Variants in DDX55 observed in about 807,000 individuals in gnomAD.
DDX55 encodes the protein DEAD-box helicase 55.
Under a neutral mutation model 69.2 loss-of-function variants are expected in DDX55, and 56 were observed. That is an observed-to-expected ratio of 0.81 (90% confidence interval 0.65 to 1.01). The LOEUF (loss-of-function observed/expected upper bound fraction) is 1.01, where lower values mean the gene tolerates loss of function less well. Ranked by LOEUF, DDX55 falls within the 50% of genes least tolerant of loss-of-function variation. The pLI, the probability that DDX55 is intolerant of heterozygous loss-of-function variation, is 0.00. For missense variants in DDX55, 720 were observed against 745.1 expected (o/e 0.97, Z 0.39); for synonymous variants, 268 against 273.1 (o/e 0.98, Z 0.18).
chr12:123,603,082 G>C (rs1354340492), intron 1 of DDX55, among the ~76,000 whole-genome samples: 1 of 152,236 alleles, frequency 6.6e-6, no homozygotes, highest in Non-Finnish European at 1.5e-5. Context: ...AGTAGTGTAA[G>C]AGATGGATTG....
At chr12:123,613,115 T>C in intron 7 of DDX55, 55 bp from the exon 8 acceptor site, 2 of 1,565,598 alleles carry the variant, frequency 1.3e-6, no homozygotes, top group Non-Finnish European at 1.8e-6. Flanking sequence ...AAAATAGCCA[T>C]GGGGATTATT....
rs1555284662 is a variant in DDX55, at chr12:123,620,619, T to TATAA, written c.*482_*483insAATA. The TATAA allele has an allele frequency of 1.5e-3, 179 of 120,544 alleles. No individual in the cohort carries two copies. Among genetic ancestry groups the TATAA allele is most frequent in the African/African-American group, 5.9e-3 (162 of 27,298 alleles). The allele number at this position is 120,544 out of a possible 1,614,324, so 7.5% of individuals were successfully genotyped here. On this transcript the variant is annotated 3_prime_UTR_variant, in exon 14 of 14. Coordinates refer to ENST00000238146, the MANE Select transcript of DDX55 (RefSeq NM_020936.3). ...ATATATATATATATATATATATATATATATATATAAGCTCTTTTTTCTGAG... is the reference window on the plus strand; with the variant it reads ...ATATATATATATATATATATATATATATAAATATATATAAGCTCTTTTTTCTGAG...
chr12:123,614,065 C>G (rs10846531), intron 8 of DDX55, among the ~76,000 whole-genome samples: 26,272 of 151,870 alleles, frequency 0.17, 2,525 homozygotes, highest in African/African-American at 0.25. Context: ...CAATATTGAC[C>G]ATGACCCACA....
rs922339543 is a variant in DDX55 at position 123,602,162 on chromosome 12, C to G, written c.14C>G (p.Thr5Arg). MEHVTEGSWESLPVP... is the reference protein window; with the variant it reads MEHVREGSWESLPVP... ...AAGGAGCGCGCCATGGAGCATGTGA[C>G]AGAGGGCTCCTGGGAGTCGCTGCCT... Residue 5 changes from threonine to arginine, a missense_variant, in exon 1 of 14, where the codon ACA (threonine) becomes AGA (arginine). Coordinates refer to ENST00000238146, the MANE Select transcript of DDX55 (RefSeq NM_020936.3). 6.4e-7 allele frequency: 1 copy of G among 1,558,442 alleles called. No homozygotes were observed. The highest frequency in any genetic ancestry group is 1.9e-5 in the Admixed American group (1 of 52,406).
At chr12:123,618,917 A>G (rs1954916377) in intron 12 of DDX55, 80 bp downstream of exon 12, 13 of 1,554,480 alleles carry the variant, frequency 8.4e-6, no homozygotes, top group Non-Finnish European at 1.1e-5. Context: ...GCTTTGTCTC[A>G]TAAAAGGAAG....
chr12:123,602,424 C>G (rs1474289246), intron 1 of DDX55, among the ~76,000 whole-genome samples, 168 bp downstream of exon 1: 1 of 152,184 alleles, frequency 6.6e-6, no homozygotes, highest in Non-Finnish European at 1.5e-5. Context: ...GCGGAGCTGC[C>G]CGGCCAGCGA....
At chr12:123,618,001 G>A (rs1188163768) in intron 11 of DDX55, 129 bp downstream of exon 11, 2 of 847,424 alleles carry the variant, frequency 2.4e-6, no homozygotes, top group Non-Finnish European at 3.8e-6. Flanking sequence ...GTGGCAGTGG[G>A]GGGCCCTGGT....
rs748903983 is a variant in DDX55, at chr12:123,615,197, T to C, written c.837T>C (p.Cys279=). The C allele has an allele frequency of 6.2e-7, 1 of 1,614,074 alleles. No homozygotes were observed. Among genetic ancestry groups the C allele is most frequent in the Non-Finnish European group, 8.5e-7 (1 of 1,179,958 alleles). The change falls in exon 9 of 14, where the codon TGT becomes TGC. Residue 279 remains cysteine (C), a synonymous_variant. Transcript: ENST00000238146. ...GTCCCTCTTGCAGCACCTGTGCCTGTGTGGAATACTATGGGAAGGCTCTGG... is the reference window on the plus strand; with the variant it reads ...GTCCCTCTTGCAGCACCTGTGCCTGCGTGGAATACTATGGGAAGGCTCTGG... ...KHLVFFSTCA[C]VEYYGKALEV...
At chr12:123,609,471 C>T (rs1477976406) in intron 6 of DDX55, among the ~76,000 whole-genome samples, 2 of 149,084 alleles carry the variant, frequency 1.3e-5, no homozygotes, top group Non-Finnish European at 3.0e-5. Context: ...ACTTCCTGGG[C>T]TTAAGTGATC....
chr12:123,602,579 G>A (rs1212033524), intron 1 of DDX55, among the ~76,000 whole-genome samples: 1 of 152,174 alleles, frequency 6.6e-6, no homozygotes, highest in African/African-American at 2.4e-5. Context: ...TCTGTGAAAT[G>A]ACGAAAAAAT....
intron 6 of DDX55, among the ~76,000 whole-genome samples, chr12:123,609,603 G>T (rs1024795561): frequency 1.3e-5 from 2 of 151,822 alleles, no homozygotes; most frequent in African/African-American, 2.4e-5. Flanking sequence ...AAACTCCTGG[G>T]CTCAAGAGAT....
At position 123,618,627 on chromosome 12, in the gene DDX55, C is replaced by G. The variant is rs199815010; in HGVS notation, c.1165-42C>G. ...GATGGGGAGCCCTGGGGATATGATG[C>G]CAGCCAGGGAAGGTGAGAATGTGGT... is the stretch of plus-strand genomic sequence containing the variant. On this transcript the variant is annotated intron_variant, in intron 11 of 13. Coordinates refer to ENST00000238146, the MANE Select transcript of DDX55 (RefSeq NM_020936.3). 172 of 1,591,132 alleles carry G rather than the reference C, an allele frequency of 1.1e-4. 1 individual carries two copies. The African/African-American group carries it at 2.1e-3, about 20-fold the overall frequency.
chr12:123,611,387 G>A (rs1209910911), intron 7 of DDX55, among the ~76,000 whole-genome samples: 1 of 152,226 alleles, frequency 6.6e-6, no homozygotes, highest in Non-Finnish European at 1.5e-5. Flanking sequence ...TGCAGGGGAG[G>A]CAGCACCATC....
At chr12:123,617,230 A>G (rs1381749079) in intron 10 of DDX55, among the ~76,000 whole-genome samples, 1 of 152,270 alleles carries the variant, frequency 6.6e-6, no homozygotes, top group Non-Finnish European at 1.5e-5. Flanking sequence ...CTGTATTGGT[A>G]GCAATTAAAA....
At chr12:123,608,409 A>G in intron 5 of DDX55, 1 of 332,984 alleles carries the variant, frequency 3.0e-6, no homozygotes, top group African/African-American at 2.0e-5. Flanking sequence ...TTCTGCCAAT[A>G]AAATACTTGG....
At chr12:123,615,396 C>T in intron 9 of DDX55, 80 bp downstream of exon 9, 1 of 1,552,288 alleles carries the variant, frequency 6.4e-7, no homozygotes, top group Non-Finnish European at 8.7e-7. Flanking sequence ...TCTCTAGTAG[C>T]CTGTGCTGTC....
At chr12:123,618,317 G>A (rs541000245) in intron 11 of DDX55, 17 of 559,674 alleles carry the variant, frequency 3.0e-5, no homozygotes, top group African/African-American at 2.8e-4. Flanking sequence ...CGGCCACCCT[G>A]GTGGGCTTTA....
At chr12:123,606,506 G>T (rs867825489) in intron 3 of DDX55, among the ~76,000 whole-genome samples, 15 of 152,160 alleles carry the variant, frequency 9.9e-5, no homozygotes, top group African/African-American at 3.1e-4. Flanking sequence ...ATGGGCGTGG[G>T]CAGAGCTGCC....
chr12:123,609,867 T>G, intron 6 of DDX55, 72 bp from the exon 7 acceptor site: 1 of 1,521,850 alleles, frequency 6.6e-7, no homozygotes, highest in Non-Finnish European at 8.8e-7. Flanking sequence ...AATACCTGTT[T>G]AGTATCGTGA....
Sources: allele counts gnomAD v4.1 joint callset (sites outside exome capture counted in the v4.1 genomes callset), GRCh38; gene constraint gnomAD v4.1.1; transcripts MANE v1.5; gene names NCBI Gene and HGNC (gene_info 2026-07-23, HGNC 2026-07-21).